The following DSCAM variants were observed in gnomAD, a reference collection of about 807,000 sequenced individuals.
DSCAM encodes cell adhesion molecule DSCAM.
Under a neutral mutation model 217.7 loss-of-function variants are expected in DSCAM, and 47 were observed. The observed-to-expected ratio is 0.22, with a 90% CI of 0.17 to 0.28. The LOEUF (loss-of-function observed/expected upper bound fraction) is 0.28, where lower values mean the gene tolerates loss of function less well. Ranked by LOEUF, DSCAM falls within the 10% of genes least tolerant of loss-of-function variation. The pLI is 1.00. For missense variants in DSCAM, 2,080 were observed against 2,618.3 expected (o/e 0.79, Z 4.49); for synonymous variants, 1,056 against 1,015.3 (o/e 1.04, Z -0.76).
intron 16 of DSCAM, among the ~76,000 whole-genome samples, chr21:40,152,870 C>T (rs1053875092): frequency 3.9e-5 from 6 of 152,226 alleles, no homozygotes; most frequent in Non-Finnish European, 5.9e-5. Context: ...CTCATGCCTC[C>T]TGCCCCCTTC....
At chr21:40,716,602 C>G (rs2837795) in intron 1 of DSCAM, among the ~76,000 whole-genome samples, 18,263 of 152,106 alleles carry the variant, frequency 0.12, 1,223 homozygotes, top group African/African-American at 0.18. Context: ...CAAGGCTCCA[C>G]TGACAAACAT....
chr21:40,401,455 A>T (rs866617747), intron 3 of DSCAM, among the ~76,000 whole-genome samples: 1 of 152,210 alleles, frequency 6.6e-6, no homozygotes, highest in Non-Finnish European at 1.5e-5. Context: ...TACACAAAAC[A>T]AGTATAATTG....
intron 1 of DSCAM, among the ~76,000 whole-genome samples, chr21:40,821,893 G>C (rs865782304): frequency 1.3e-5 from 2 of 151,938 alleles, no homozygotes; most frequent in African/African-American, 4.8e-5. Flanking sequence ...GAGAGGATCA[G>C]GAAAAATAAC....
chr21:40,484,789 G>A (rs2076011186), intron 3 of DSCAM, among the ~76,000 whole-genome samples: 1 of 152,164 alleles, frequency 6.6e-6, no homozygotes, highest in African/African-American at 2.4e-5. Context: ...ACAGGGAGAT[G>A]TAGGATGAGG....
At chr21:40,018,404 G>C (rs2088203087) in intron 32 of DSCAM, among the ~76,000 whole-genome samples, 1 of 150,986 alleles carries the variant, frequency 6.6e-6, no homozygotes, top group African/African-American at 2.4e-5. Context: ...TTGTATATTT[G>C]AGGAAATGGG....
chr21:40,763,956 A>G (rs1250967591), intron 1 of DSCAM, among the ~76,000 whole-genome samples: 1 of 152,220 alleles, frequency 6.6e-6, no homozygotes, highest in East Asian at 1.9e-4. Flanking sequence ...AAGATGGATT[A>G]AAGACTTACA....
intron 8 of DSCAM, among the ~76,000 whole-genome samples, chr21:40,336,395 C>T (rs2074430545): frequency 2.0e-5 from 3 of 152,148 alleles, no homozygotes; most frequent in African/African-American, 7.2e-5. Context: ...AAACTTGCAT[C>T]CATCAGCATG....
chr21:40,695,828 T>A (rs981076833), intron 2 of DSCAM, among the ~76,000 whole-genome samples: 3 of 152,180 alleles, frequency 2.0e-5, no homozygotes, highest in Admixed American at 6.5e-5. Context: ...TATAGTTTTT[T>A]AAAAAAATGC....
chr21:40,068,524 T>C (rs940217658), intron 27 of DSCAM, among the ~76,000 whole-genome samples: 1 of 152,168 alleles, frequency 6.6e-6, no homozygotes, highest in Admixed American at 6.5e-5. Context: ...GACCAAGTAT[T>C]TTTGATGGGC....
intron 1 of DSCAM, among the ~76,000 whole-genome samples, chr21:40,797,766 T>C (rs1309809719): frequency 6.6e-6 from 1 of 152,192 alleles, no homozygotes; most frequent in African/African-American, 2.4e-5. Context: ...AACCCAGAGC[T>C]TATTCAGCTT....
intron 3 of DSCAM, among the ~76,000 whole-genome samples, chr21:40,520,471 GA>G (rs1297205093): frequency 6.6e-6 from 1 of 152,088 alleles, no homozygotes; most frequent in Admixed American, 6.6e-5. Flanking sequence ...GATTCTTGAG[GA>G]GGAAATAAAA....
At chr21:40,171,279 T>C (rs922282176) in intron 15 of DSCAM, among the ~76,000 whole-genome samples, 5 of 151,968 alleles carry the variant, frequency 3.3e-5, no homozygotes, top group Non-Finnish European at 7.4e-5. Context: ...GGTTTCGCCA[T>C]GTTGCCCAGG....
At chr21:40,208,577 T>C (rs906858920) in intron 11 of DSCAM, among the ~76,000 whole-genome samples, 3 of 152,216 alleles carry the variant, frequency 2.0e-5, no homozygotes, top group Admixed American at 2.0e-4. Context: ...GAGTGCTGCA[T>C]GCTCTCATAT....
chr21:40,447,221 T>C (rs1490307955), intron 3 of DSCAM, among the ~76,000 whole-genome samples: 2 of 152,210 alleles, frequency 1.3e-5, no homozygotes, highest in Non-Finnish European at 2.9e-5. Context: ...TACAGTCTCA[T>C]ACCCAAGCAT....
intron 3 of DSCAM, among the ~76,000 whole-genome samples, chr21:40,544,242 AG>A (rs1328749977): frequency 2.0e-5 from 3 of 152,218 alleles, no homozygotes; most frequent in African/African-American, 7.2e-5. Context: ...TATGGGAGGC[AG>A]TCTATGCAAA....
chr21:40,587,413 T>G (rs1725509651), intron 3 of DSCAM, among the ~76,000 whole-genome samples: 1 of 152,206 alleles, frequency 6.6e-6, no homozygotes, highest in Non-Finnish European at 1.5e-5. Flanking sequence ...AAAATGTTTA[T>G]TAAGTTTTAT....
At position 40,669,588 on chromosome 21, in the gene DSCAM, ATATTT is replaced by A. The variant is rs1340029752; in HGVS notation, c.508+23217_508+23221del. ...TCTATTTTCCCAAATGTTGTTATATATATTTTTTTTTTTTTTTGAGACAGAGTCTC... is the reference window on the plus strand; with the variant it reads ...TCTATTTTCCCAAATGTTGTTATATATTTTTTTTTTTTGAGACAGAGTCTC... On this transcript the variant is annotated intron_variant, in intron 3 of 32. Coordinates refer to ENST00000400454, the MANE Select transcript of DSCAM (RefSeq NM_001389.5). 7.0e-3 allele frequency among the ~76,000 whole-genome samples: 155 copies of A among 22,222 alleles called. 2 individuals are homozygous for A. The highest frequency in any genetic ancestry group is 0.017 in the Admixed American group (19 of 1,116). The allele number at this position is 22,222 out of a possible 152,430, so 14.6% of individuals were successfully genotyped here.
chr21:40,761,112 G>A (rs1047133857), intron 1 of DSCAM, among the ~76,000 whole-genome samples: 2 of 152,206 alleles, frequency 1.3e-5, no homozygotes, highest in African/African-American at 4.8e-5. Flanking sequence ...CTCAGTGAAT[G>A]ACTTCAAGTT....
At chr21:40,185,386 A>G (rs1314851677) in intron 14 of DSCAM, among the ~76,000 whole-genome samples, 1 of 152,174 alleles carries the variant, frequency 6.6e-6, no homozygotes, top group African/African-American at 2.4e-5. Flanking sequence ...AGCTGGTGCA[A>G]CGCAGGCCCA....
Sources: allele counts gnomAD v4.1 joint callset (sites outside exome capture counted in the v4.1 genomes callset), GRCh38; gene constraint gnomAD v4.1.1; transcripts MANE v1.5; gene names NCBI Gene and HGNC (gene_info 2026-07-23, HGNC 2026-07-21).